GARS1: variants seen among roughly 807,000 people sequenced by gnomAD.
The protein encoded by GARS1 is glycyl-tRNA synthetase 1.
A neutral mutation model predicts 86.4 loss-of-function variants in GARS1; 46 were observed. The ratio of observed to expected loss-of-function variants is 0.53; its 90% CI spans 0.42 to 0.68. The LOEUF (loss-of-function observed/expected upper bound fraction) is 0.68. Among genes scored for constraint, GARS1 ranks in the 30% least tolerant of loss-of-function variants. GARS1 has a pLI of 0.00. For synonymous variants in GARS1, 342 were observed against 329.8 expected (o/e 1.04, Z -0.40); for missense variants, 797 against 915.6 (o/e 0.87, Z 1.67).
chr7:30,621,635 A>G, intron 11 of GARS1, 135 bp downstream of exon 11: 1 of 757,872 alleles, frequency 1.3e-6, no homozygotes, highest in Non-Finnish European at 2.4e-6. Context: ...GTTTAAACCT[A>G]TTATTTTACC....
intron 5 of GARS1, 135 bp downstream of exon 5, chr7:30,603,257 A>G: frequency 1.3e-6 from 1 of 768,690 alleles, no homozygotes; most frequent in Admixed American, 2.6e-5. Flanking sequence ...AAGTATATAG[A>G]TCAAGTCCTT....
upstream of GARS1, chr7:30,594,858 C>G (rs932663016): frequency 2.6e-5 from 36 of 1,387,060 alleles, no homozygotes; most frequent in African/African-American, 1.4e-4. Flanking sequence ...CATCATGCTC[C>G]GAGCCGGGCG....
At chr7:30,606,947 A>G (rs751090898) in intron 6 of GARS1, among the ~76,000 whole-genome samples, 1 of 152,214 alleles carries the variant, frequency 6.6e-6, no homozygotes, top group Non-Finnish European at 1.5e-5. Context: ...CTTACCAAAA[A>G]TCGCAGTTCT....
rs1412593111 is a variant in GARS1 at position 30,612,114 on chromosome 7, T to G, written c.900T>G (p.Thr300=). 2.5e-6 allele frequency: 4 copies of G among 1,613,970 alleles called. No homozygotes were observed. Among genetic ancestry groups the G allele is most frequent in the Non-Finnish European group, 3.4e-6 (4 of 1,179,956 alleles). Residue 300 remains threonine (T), a synonymous_variant, in exon 8 of 17, where the codon ACT becomes ACG. Transcript: ENST00000389266. Reference sequence around the variant, plus strand: ...TTTATAGGTACTTGAGACCAGAAACTGCACAGGGGATTTTCTTGAATTTCA... The same window carrying G: ...TTTATAGGTACTTGAGACCAGAAACGGCACAGGGGATTTTCTTGAATTTCA... ...GNMPGYLRPE[T]AQGIFLNFKR... is the part of the protein sequence containing the mutation.
intron 3 of GARS1, among the ~76,000 whole-genome samples, chr7:30,600,662 G>A (rs1245259493): frequency 6.6e-6 from 1 of 152,144 alleles, no homozygotes; most frequent in Non-Finnish European, 1.5e-5. Context: ...CCCTTTTGAG[G>A]TTAAATAGTG....
At position 30,603,118 on chromosome 7, in the gene GARS1, A is replaced by G. The variant is rs1446648070; in HGVS notation, c.654A>G (p.Leu218=). 5 of 1,612,250 alleles carry G rather than the reference A, an allele frequency of 3.1e-6. No homozygotes were observed. Among genetic ancestry groups the G allele is most frequent in the East Asian group, 2.2e-5 (1 of 44,784 alleles). Residue 218 remains leucine (L), a synonymous_variant, in exon 5 of 17, where the codon TTA becomes TTG. Transcript: ENST00000389266. ...AATGTTTTCGTGCTGACCATCTATT[A>G]AAAGGTGAGGTTCTTCATCTCCTTC... The part of the protein sequence containing the change: ...NGECFRADHL[L]KAHLQKLMSD...
chr7:30,631,646 T>C, intron 15 of GARS1, 105 bp downstream of exon 15: 1 of 785,528 alleles, frequency 1.3e-6, no homozygotes, highest in Non-Finnish European at 2.2e-6. Context: ...GAATAAAGAA[T>C]ATAAATGATT....
intron 6 of GARS1, among the ~76,000 whole-genome samples, chr7:30,604,338 G>A (rs1488265337): frequency 1.3e-5 from 2 of 152,110 alleles, no homozygotes; most frequent in Non-Finnish European, 2.9e-5. Flanking sequence ...TAGTCATGAG[G>A]TCTACTGAGG....
chr7:30,595,880 A>G, intron 1 of GARS1: 1 of 471,164 alleles, frequency 2.1e-6, no homozygotes, highest in Non-Finnish European at 4.4e-6. Context: ...AGTGTTGCGG[A>G]GTGAAGTCAG....
At chr7:30,625,735 A>C (rs78517123) in intron 12 of GARS1, among the ~76,000 whole-genome samples, 4,385 of 152,298 alleles carry the variant, frequency 0.029, 90 homozygotes, top group Middle Eastern at 0.048. Context: ...ACTTCTTTTA[A>C]ACTGATCTTC....
At chr7:30,625,367 A>G (rs186171517) in intron 12 of GARS1, among the ~76,000 whole-genome samples, 2 of 152,354 alleles carry the variant, frequency 1.3e-5, no homozygotes, top group Non-Finnish European at 2.9e-5. Context: ...TTCAGACAGA[A>G]TAGTAAAAAC....
chr7:30,607,005 G>A (rs892697171), intron 6 of GARS1, among the ~76,000 whole-genome samples: 3 of 152,102 alleles, frequency 2.0e-5, no homozygotes, highest in African/African-American at 2.4e-5. Flanking sequence ...CACTGTATAC[G>A]TTAACAGTCT....
intron 8 of GARS1, among the ~76,000 whole-genome samples, chr7:30,614,028 A>G (rs1158664466): frequency 6.6e-6 from 1 of 152,194 alleles, no homozygotes; most frequent in African/African-American, 2.4e-5. Flanking sequence ...AGTTTCAGGT[A>G]CAGTTGCTGA....
intron 6 of GARS1, among the ~76,000 whole-genome samples, chr7:30,605,358 A>G (rs1189272958): frequency 6.6e-6 from 1 of 152,242 alleles, no homozygotes; most frequent in African/African-American, 2.4e-5. Context: ...TCCAGTTTTA[A>G]AAACCATTTT....
chr7:30,602,686 AT>A (rs1791405575), intron 4 of GARS1, among the ~76,000 whole-genome samples: 1 of 152,212 alleles, frequency 6.6e-6, no homozygotes, highest in Non-Finnish European at 1.5e-5. Context: ...ATTCCCAGTG[AT>A]TTTGGCCTTT....
intron 15 of GARS1, chr7:30,631,979 T>G (rs1223270746): frequency 4.3e-6 from 2 of 465,652 alleles, no homozygotes; most frequent in African/African-American, 4.0e-5. Flanking sequence ...ATAGAGGTGG[T>G]GGAGTCAGGA....
chr7:30,607,521 G>A lies in GARS1; in HGVS notation c.736-2064G>A, dbSNP rs142256630. On this transcript the variant is annotated intron_variant, in intron 6 of 16. Transcript: ENST00000389266. ...ATGAGAACACATGGACACAGGGTGGGGAACATCATACACCTGGGCCTGTCG... is the reference window on the plus strand; with the variant it reads ...ATGAGAACACATGGACACAGGGTGGAGAACATCATACACCTGGGCCTGTCG... 2.5e-3 allele frequency among the ~76,000 whole-genome samples: 377 copies of A among 149,532 alleles called. 3 individuals are homozygous for A. The highest frequency in any genetic ancestry group is 8.9e-3 in the African/African-American group (360 of 40,458).
upstream of GARS1, chr7:30,594,843 G>T: frequency 1.6e-6 from 2 of 1,273,742 alleles, no homozygotes; most frequent in Non-Finnish European, 2.2e-6. Context: ...TTTACGCGGC[G>T]ATTTCATCAT....
chr7:30,621,318 C>A, intron 10 of GARS1, 75 bp from the exon 11 acceptor site: 1 of 1,126,480 alleles, frequency 8.9e-7, no homozygotes, highest in Non-Finnish European at 1.4e-6. Context: ...GGTTTATAAT[C>A]TGCATGCATT....
Sources: allele counts gnomAD v4.1 joint callset (sites outside exome capture counted in the v4.1 genomes callset), GRCh38; gene constraint gnomAD v4.1.1; transcripts MANE v1.5; gene names NCBI Gene and HGNC (gene_info 2026-07-23, HGNC 2026-07-21).